Variants in RNF135 observed in about 807,000 individuals in gnomAD.
The protein encoded by RNF135 is E3 ubiquitin-protein ligase RNF135.
Under a neutral mutation model 41.9 loss-of-function variants are expected in RNF135, and 46 were observed. The observed-to-expected ratio is 1.10, with a 90% confidence interval of 0.87 to 1.40. RNF135 has a LOEUF of 1.40. Among genes scored for constraint, RNF135 ranks in the 40% most tolerant of loss-of-function variants. The probability of loss-of-function intolerance (pLI) is 0.00; values close to 1 mark genes in which losing one functional copy is unlikely to be tolerated. For missense variants in RNF135, 539 were observed against 549.8 expected (o/e 0.98, Z 0.20); for synonymous variants, 238 against 223.8 (o/e 1.06, Z -0.57).
chr17:30,970,419 C>T (rs1055819268), upstream of RNF135: 7 of 152,746 alleles, frequency 4.6e-5, no homozygotes, highest in African/African-American at 1.7e-4. Context: ...ATTATACCTG[C>T]GAGTTAAAAA....
chr17:30,984,837 A>G, intron 2 of RNF135, 77 bp downstream of exon 2: 1 of 1,451,504 alleles, frequency 6.9e-7, no homozygotes, highest in Non-Finnish European at 9.7e-7. Context: ...CAACATGAAC[A>G]TATTTGAACC....
chr17:30,995,874 C>G (rs912538436), intron 3 of RNF135, among the ~76,000 whole-genome samples: 1 of 150,774 alleles, frequency 6.6e-6, no homozygotes, highest in Non-Finnish European at 1.5e-5. Flanking sequence ...CCACCTCTGC[C>G]TCCCTAGTAG....
intron 2 of RNF135, among the ~76,000 whole-genome samples, chr17:30,986,474 C>T (rs940812398): frequency 2.0e-5 from 3 of 152,198 alleles, no homozygotes; most frequent in Non-Finnish European, 2.9e-5. Context: ...GGATTACAGG[C>T]GTGCGCCACA....
At chr17:30,976,391 T>TGATCATGTGCTGAGGAAAA (rs1555572716) in intron 1 of RNF135, among the ~76,000 whole-genome samples, 1 of 152,242 alleles carries the variant, frequency 6.6e-6, no homozygotes, top group African/African-American at 2.4e-5. Context: ...TCCTTGAGAA[T>TGATCATGTGCTGAGGAAAA]GATCATGTGC....
chr17:30,983,110 C>T (rs1450110404), intron 1 of RNF135, among the ~76,000 whole-genome samples: 5 of 151,650 alleles, frequency 3.3e-5, no homozygotes, highest in African/African-American at 1.2e-4. Flanking sequence ...CTTTTTAAGG[C>T]TGAGTAGTAT....
At chr17:30,979,703 G>C (rs1598085221) in intron 1 of RNF135, among the ~76,000 whole-genome samples, 1 of 125,176 alleles carries the variant, frequency 8.0e-6, no homozygotes, top group Admixed American at 7.4e-5. Context: ...GGCTGGCCGG[G>C]CGGGGGGCTG....
chr17:30,982,910 A>G (rs1483568969), intron 1 of RNF135, among the ~76,000 whole-genome samples: 1 of 152,116 alleles, frequency 6.6e-6, no homozygotes, highest in Non-Finnish European at 1.5e-5. Context: ...GAGGACATTA[A>G]AATTCTCCAT....
chr17:30,971,012 A>C, upstream of RNF135: 1 of 1,530,602 alleles, frequency 6.5e-7, no homozygotes, highest in Non-Finnish European at 8.7e-7. Context: ...AGGGCGAGGG[A>C]GGAGCCTGAG....
rs34745425 is a variant in RNF135, at chr17:30,993,820, A to T, written c.680-3422A>T. On this transcript the variant is annotated intron_variant, in intron 3 of 4. Transcript: ENST00000328381. ...TTCTGCTGAATTAATTAATTAATTA[A>T]TTTTTTTATTTTGACACAGGTTCTC... is the stretch of plus-strand genomic sequence containing the variant. 567 of 901,744 alleles carry T rather than the reference A, an allele frequency of 6.3e-4. 4 individuals carry two copies. In the East Asian group the frequency reaches 8.3e-3, roughly 13 times the overall value. The allele number at this position is 901,744 out of a possible 1,614,324, so 55.9% of individuals were successfully genotyped here.
At chr17:30,987,305 C>T (rs1428196013) in intron 2 of RNF135, among the ~76,000 whole-genome samples, 1 of 151,794 alleles carries the variant, frequency 6.6e-6, no homozygotes, top group Non-Finnish European at 1.5e-5. Flanking sequence ...CTTCTCAGCT[C>T]AGTACAACCT....
intron 1 of RNF135, among the ~76,000 whole-genome samples, chr17:30,982,893 A>C (rs1907257015): frequency 6.6e-6 from 1 of 152,140 alleles, no homozygotes; most frequent in South Asian, 2.1e-4. Context: ...CAAAAGTGGA[A>C]TTCTAGGAGG....
chr17:30,964,229 AAC>A, the RNF135 span, among the ~76,000 whole-genome samples: 586 of 151,926 alleles, frequency 3.9e-3, 7 homozygotes, highest in African/African-American at 0.014. Context: ...CTCTACTTAA[AAC>A]ACAAAAAATT....
the RNF135 span, among the ~76,000 whole-genome samples, chr17:30,960,349 G>A: frequency 4.5e-3 from 680 of 151,068 alleles, 6 homozygotes; most frequent in African/African-American, 0.016. Context: ...CCAAGATTGC[G>A]CCACTGCACT....
chr17:30,968,448 C>T (rs1245449615), upstream of RNF135, among the ~76,000 whole-genome samples: 1 of 146,796 alleles, frequency 6.8e-6, no homozygotes, highest in Non-Finnish European at 1.5e-5. Flanking sequence ...TGCAGTGGTG[C>T]GAACTCAGCT....
chr17:30,973,349 A>G (rs1028635140), intron 1 of RNF135: 2 of 152,024 alleles, frequency 1.3e-5, no homozygotes, highest in African/African-American at 4.8e-5. Flanking sequence ...TTGATGTGCA[A>G]AAGTTTTAAA....
chr17:30,964,603 CA>C, the RNF135 span, among the ~76,000 whole-genome samples: 1 of 151,178 alleles, frequency 6.6e-6, no homozygotes, highest in Non-Finnish European at 1.5e-5. Flanking sequence ...GACTCTGTCT[CA>C]AAACAAACAA....
intron 4 of RNF135, 56 bp from the exon 5 acceptor site, chr17:30,998,606 T>C: frequency 2.6e-6 from 4 of 1,562,200 alleles, no homozygotes; most frequent in Non-Finnish European, 3.5e-6. Flanking sequence ...CTTCTTAGCA[T>C]GGACCATCAA....
At chr17:30,975,995 A>C in intron 1 of RNF135, 1 of 354,398 alleles carries the variant, frequency 2.8e-6, no homozygotes, top group Non-Finnish European at 5.2e-6. Flanking sequence ...AAAAATAAAT[A>C]CTAAAAAAAT....
At chr17:30,990,247 G>A (rs575405510) in intron 3 of RNF135, among the ~76,000 whole-genome samples, 2 of 152,156 alleles carry the variant, frequency 1.3e-5, no homozygotes, top group Non-Finnish European at 2.9e-5. Context: ...ACAGGGCTGG[G>A]CGCGGTGGCT....
Sources: allele counts gnomAD v4.1 joint callset (sites outside exome capture counted in the v4.1 genomes callset), GRCh38; gene constraint gnomAD v4.1.1; transcripts MANE v1.5; gene names NCBI Gene and HGNC (gene_info 2026-07-23, HGNC 2026-07-21).